Variants in AGAP1 observed in about 807,000 individuals in gnomAD.
AGAP1 encodes arf-GAP with GTPase, ANK repeat and PH domain-containing protein 1.
Under a neutral mutation model 105.3 loss-of-function variants are expected in AGAP1, and 29 were observed. The ratio of observed to expected loss-of-function variants is 0.28; its 90% CI spans 0.21 to 0.38. The LOEUF is 0.38. Among genes scored for constraint, AGAP1 ranks in the 10% least tolerant of loss-of-function variants. The pLI, the probability that AGAP1 is intolerant of heterozygous loss-of-function variation, is 1.00. For synonymous variants in AGAP1, 509 were observed against 485.9 expected, an observed-to-expected ratio of 1.05 and a Z score of -0.63; for missense variants, 998 against 1,165.1, an observed-to-expected ratio of 0.86 and a Z score of 2.09.
At chr2:236,100,522 T>G (rs564051358) in intron 16 of AGAP1, among the ~76,000 whole-genome samples, 1 of 152,154 alleles carries the variant, frequency 6.6e-6, no homozygotes, top group African/African-American at 2.4e-5. Flanking sequence ...TTTTATTGTT[T>G]TTCAGGTTAA....
intron 9 of AGAP1, among the ~76,000 whole-genome samples, chr2:235,839,007 G>C (rs968649023): frequency 6.6e-6 from 1 of 152,184 alleles, no homozygotes; most frequent in Non-Finnish European, 1.5e-5. Context: ...GTGTACGTGA[G>C]GTTTATTCAA....
At chr2:235,791,587 C>A (rs778522037) in intron 6 of AGAP1, among the ~76,000 whole-genome samples, 6 of 151,980 alleles carry the variant, frequency 3.9e-5, no homozygotes, top group Admixed American at 1.3e-4. Context: ...TTTGGCCAGA[C>A]TGGAGTACAG....
At chr2:236,030,227 G>A (rs1375481567) in intron 13 of AGAP1, among the ~76,000 whole-genome samples, 1 of 152,118 alleles carries the variant, frequency 6.6e-6, no homozygotes, top group East Asian at 1.9e-4. Context: ...TGACCAGGCT[G>A]GTCTTGAACT....
intron 1 of AGAP1, among the ~76,000 whole-genome samples, chr2:235,656,595 T>C (rs1182076979): frequency 6.6e-6 from 1 of 152,084 alleles, no homozygotes; most frequent in Non-Finnish European, 1.5e-5. Flanking sequence ...CTCTTTAAAT[T>C]AGCCAATTGG....
intron 16 of AGAP1, among the ~76,000 whole-genome samples, chr2:236,093,932 A>G (rs2059126197): frequency 6.6e-6 from 1 of 152,122 alleles, no homozygotes; most frequent in Non-Finnish European, 1.5e-5. Flanking sequence ...ACAACAGAAC[A>G]CTTTTTAGAG....
chr2:235,616,359 C>CA (rs796596364), intron 1 of AGAP1, among the ~76,000 whole-genome samples: 1,782 of 111,472 alleles, frequency 0.016, 14 homozygotes, highest in Non-Finnish European at 0.021. Context: ...GACTCCATCT[C>CA]AAAAAAAAAA....
intron 13 of AGAP1, among the ~76,000 whole-genome samples, chr2:236,008,213 G>A (rs990533061): frequency 5.9e-5 from 9 of 152,132 alleles, no homozygotes; most frequent in African/African-American, 1.9e-4. Context: ...ACTGGCTGGG[G>A]CCCAACCACA....
rs1181102550 is a variant in AGAP1, at chr2:236,095,807, A to G, written c.2115-24385A>G. On this transcript the variant is annotated intron_variant, in intron 16 of 17. Transcript: ENST00000304032. The surrounding 1 kb of genome is among the most constrained non-coding windows in gnomAD (Gnocchi z 4.1). ...TAGTTGCACAGAGATAGTCCCTAAG[A>G]GCTGGCCAACTTCCACGATCATTAT... Among the ~76,000 whole-genome samples the G allele has an allele frequency of 6.6e-6, 1 of 152,210 alleles. No individual in the cohort carries two copies. The highest frequency in any genetic ancestry group is 2.4e-5 in the African/African-American group (1 of 41,456).
At chr2:235,604,390 G>A (rs1173267416) in intron 1 of AGAP1, among the ~76,000 whole-genome samples, 4 of 151,270 alleles carry the variant, frequency 2.6e-5, no homozygotes, top group African/African-American at 7.3e-5. Context: ...GCTGAGGCAG[G>A]AAGATCCTTT....
In AGAP1 at chr2:235,799,328, G is replaced by C. The variant is rs753181390; in HGVS notation, c.802-39G>C. 1.2e-6 allele frequency: 2 copies of C among 1,602,154 alleles called. No individual in the cohort carries two copies. The highest frequency in any genetic ancestry group is 4.5e-5 in the East Asian group (2 of 44,828). On this transcript the variant is annotated intron_variant, in intron 7 of 17. Coordinates refer to ENST00000304032, the MANE Select transcript of AGAP1 (RefSeq NM_001037131.3). This position sits in a 1 kb window ranked among gnomAD's most constrained non-coding sequence, Gnocchi z 5.0. ...CTAAGTGGAGGTCTTGGGTTCCTGA[G>C]TATGTCGTTAATGAAACCTTGGATT... is the stretch of plus-strand genomic sequence containing the variant.
chr2:235,776,000 A>G (rs1955830208), intron 6 of AGAP1, among the ~76,000 whole-genome samples: 1 of 152,064 alleles, frequency 6.6e-6, no homozygotes, highest in African/African-American at 2.4e-5. Flanking sequence ...TTCCTAAGAT[A>G]TTTTCCTAGT....
rs567965084 is a variant in AGAP1 at position 236,047,392 on chromosome 2, C to T, written c.1892-1667C>T. 3.9e-5 allele frequency among the ~76,000 whole-genome samples: 6 copies of T among 152,110 alleles called. No homozygotes were observed. The South Asian group carries it at 1.2e-3, about 32-fold the overall frequency. ...CAGCTGTGTGCCATGCCTCCACCCT[C>T]CACAGCCCCAGGCCAGGGCCTCCTC... is the stretch of plus-strand genomic sequence containing the variant. On this transcript the variant is annotated intron_variant, in intron 15 of 17. Coordinates refer to ENST00000304032, the MANE Select transcript of AGAP1 (RefSeq NM_001037131.3).
chr2:235,807,978 G>A (rs1957926744), intron 9 of AGAP1, among the ~76,000 whole-genome samples: 1 of 151,852 alleles, frequency 6.6e-6, no homozygotes, highest in African/African-American at 2.4e-5. Flanking sequence ...GGCCTATGTT[G>A]CTAGCCTGGA....
In AGAP1 at chr2:235,614,766, G is replaced by A. The variant is rs1204425497; in HGVS notation, c.164-94413G>A. On this transcript the variant is annotated intron_variant, in intron 1 of 17. Coordinates refer to ENST00000304032, the MANE Select transcript of AGAP1 (RefSeq NM_001037131.3). This position sits in a 1 kb window ranked among gnomAD's most constrained non-coding sequence, Gnocchi z 4.7. ...ACCGTGAATTCTTTTGTGGGAAATA[G>A]AACACAGCGTTGGGTACCAAGAGGG... Among the ~76,000 whole-genome samples the A allele has an allele frequency of 6.6e-6, 1 of 152,196 alleles. No individual in the cohort carries two copies. The highest frequency in any genetic ancestry group is 1.5e-5 in the Non-Finnish European group (1 of 68,044).
chr2:236,006,464 A>G (rs898490368), intron 13 of AGAP1, among the ~76,000 whole-genome samples: 1 of 152,236 alleles, frequency 6.6e-6, no homozygotes, highest in African/African-American at 2.4e-5. Context: ...ACTAACCTGC[A>G]TATGCATATA....
chr2:235,779,358 C>G (rs1299377818), intron 6 of AGAP1, among the ~76,000 whole-genome samples: 2 of 152,154 alleles, frequency 1.3e-5, no homozygotes. Context: ...TGAGGGGCCT[C>G]GGCCACTCTT....
intron 1 of AGAP1, among the ~76,000 whole-genome samples, chr2:235,521,387 C>T (rs907528432): frequency 6.6e-6 from 1 of 152,094 alleles, no homozygotes; most frequent in Admixed American, 6.5e-5. Flanking sequence ...TTCTAAGAGT[C>T]CTGGCTTTGA....
At chr2:235,592,521 G>C (rs1019569004) in intron 1 of AGAP1, among the ~76,000 whole-genome samples, 1 of 151,900 alleles carries the variant, frequency 6.6e-6, no homozygotes, top group Non-Finnish European at 1.5e-5. Flanking sequence ...CCGGGCTTGC[G>C]GCTTGTGGCA....
chr2:235,590,503 C>T (rs139130299), intron 1 of AGAP1, among the ~76,000 whole-genome samples: 5 of 152,120 alleles, frequency 3.3e-5, no homozygotes, highest in Admixed American at 6.5e-5. Context: ...GGCTGGAAAC[C>T]GTGACCATGC....
Sources: gnomAD v4.1 joint callset for allele counts (sites outside exome capture counted in the v4.1 genomes callset) on GRCh38, gnomAD v4.1.1 for gene constraint, Gnocchi (gnomAD v3.1) non-coding constraint, MANE v1.5 for transcripts, NCBI Gene and HGNC (gene_info 2026-07-23, HGNC 2026-07-21) for gene names.